Variants in PCDHA9 observed in about 807,000 individuals in gnomAD.
PCDHA9 encodes protocadherin alpha-9.
Under a neutral mutation model 62.0 loss-of-function variants are expected in PCDHA9, and 62 were observed. That is an observed-to-expected ratio of 1.00 (90% CI 0.81 to 1.23). The LOEUF is 1.23. Among genes scored for constraint, PCDHA9 ranks in the 50% most tolerant of loss-of-function variants. The pLI is 0.00. For missense variants in PCDHA9, 1,205 were observed against 1,249.8 expected, an observed-to-expected ratio of 0.96 and a Z score of 0.54; for synonymous variants, 557 against 567.6, an observed-to-expected ratio of 0.98 and a Z score of 0.27.
rs144585858 is a variant in PCDHA9 at position 140,984,129 on chromosome 5, G to A, written c.2542+1566G>A. On this transcript the variant is annotated intron_variant, in intron 3 of 3. Transcript: ENST00000532602. The stretch of plus-strand genomic sequence containing the variant: ...GGTTTTAGACTGCCAAGTGTTGCAG[G>A]ATGTGGAGGCATCTGGGAAGGTGAG... 1.3e-3 allele frequency among the ~76,000 whole-genome samples: 205 copies of A among 152,236 alleles called. 1 individual carries two copies. Among genetic ancestry groups the A allele is most frequent in the Non-Finnish European group, 2.6e-3 (175 of 68,046 alleles).
chr5:140,857,769 G>A, intron 1 of PCDHA9: 1 of 1,597,600 alleles, frequency 6.3e-7, no homozygotes, highest in Non-Finnish European at 8.6e-7. Context: ...AGCGCGGGCG[G>A]TGCAGTCAGT....
intron 3 of PCDHA9, among the ~76,000 whole-genome samples, chr5:141,003,441 AGAT>A (rs2098125025): frequency 6.6e-6 from 1 of 152,122 alleles, no homozygotes; most frequent in Non-Finnish European, 1.5e-5. Context: ...CCTCCCAAGT[AGAT>A]GAAATTACAG....
chr5:140,954,017 T>C (rs2094968085), intron 1 of PCDHA9, among the ~76,000 whole-genome samples: 1 of 152,162 alleles, frequency 6.6e-6, no homozygotes, highest in Admixed American at 6.5e-5. Flanking sequence ...CTCCCACACA[T>C]AGTGGGACGA....
At chr5:140,945,424 A>T (rs1227744054) in intron 1 of PCDHA9, among the ~76,000 whole-genome samples, 1 of 152,116 alleles carries the variant, frequency 6.6e-6, no homozygotes, top group Non-Finnish European at 1.5e-5. Context: ...ATTTCAATGA[A>T]GTTTTTACAG....
At chr5:140,972,612 C>T (rs1554234244) in intron 1 of PCDHA9, among the ~76,000 whole-genome samples, 2 of 151,080 alleles carry the variant, frequency 1.3e-5, no homozygotes, top group African/African-American at 4.9e-5. Context: ...GAACTTGATA[C>T]TGAATGTTGT....
intron 1 of PCDHA9, among the ~76,000 whole-genome samples, chr5:140,880,962 A>G (rs1439455519): frequency 6.6e-6 from 1 of 152,224 alleles, no homozygotes; most frequent in Non-Finnish European, 1.5e-5. Context: ...GATGAGGGTA[A>G]GAGAATACCA....
chr5:141,009,563 C>T (rs1588242901), intron 3 of PCDHA9, 64 bp from the exon 4 acceptor site: 2 of 1,571,920 alleles, frequency 1.3e-6, no homozygotes, highest in Non-Finnish European at 1.7e-6. Flanking sequence ...TGTACTCTAC[C>T]AGCAGTGTGG....
intron 1 of PCDHA9, chr5:140,865,758 G>A (rs2048989245): frequency 6.6e-6 from 1 of 152,150 alleles, no homozygotes; most frequent in African/African-American, 2.4e-5. Flanking sequence ...CCAGTACATG[G>A]TGGAGATATT....
At chr5:140,903,454 A>G (rs1554190971) in intron 1 of PCDHA9, among the ~76,000 whole-genome samples, 1 of 152,208 alleles carries the variant, frequency 6.6e-6, no homozygotes, top group Non-Finnish European at 1.5e-5. Flanking sequence ...ATCTGATCAA[A>G]CTTAAAATAT....
intron 1 of PCDHA9, among the ~76,000 whole-genome samples, chr5:140,901,673 A>G (rs964267221): frequency 6.6e-6 from 1 of 152,056 alleles, no homozygotes; most frequent in Admixed American, 6.6e-5. Context: ...AGATACCTTT[A>G]GGTATTATGG....
At position 140,967,914 on chromosome 5, in the gene PCDHA9, T is replaced by C. The variant is rs1376293284; in HGVS notation, c.2395-11035T>C. On this transcript the variant is annotated intron_variant, in intron 1 of 3. Coordinates refer to ENST00000532602, the MANE Select transcript of PCDHA9 (RefSeq NM_031857.2). ...CCTGAGAATGCTACACCCAACACCA[T>C]TGTGGCCGTTCTCAGTGTCAATGAC... 1.2e-5 allele frequency: 20 copies of C among 1,614,060 alleles called. No individual in the cohort carries two copies. The highest frequency in any genetic ancestry group is 3.3e-5 in the South Asian group (3 of 91,086).
intron 1 of PCDHA9, among the ~76,000 whole-genome samples, chr5:140,954,167 CT>C (rs1366012595): frequency 2.6e-5 from 4 of 152,212 alleles, no homozygotes; most frequent in African/African-American, 9.6e-5. Context: ...ACCACATTTT[CT>C]TTATCCAGTC....
In PCDHA9 at chr5:140,994,514, G is replaced by A. The variant is rs186617066; in HGVS notation, c.2542+11951G>A. On this transcript the variant is annotated intron_variant, in intron 3 of 3. Transcript: ENST00000532602. Reference sequence around the variant, plus strand: ...ACCCAGGAGTTTGAGAACAGCCTGGGCAACATGGCAAAACCCCATCTCTAC... The same window carrying A: ...ACCCAGGAGTTTGAGAACAGCCTGGACAACATGGCAAAACCCCATCTCTAC... Among the ~76,000 whole-genome samples, 76 of 150,406 alleles carry A rather than the reference G, an allele frequency of 5.1e-4. 1 individual carries two copies. The highest frequency in any genetic ancestry group is 8.8e-5 in the Non-Finnish European group (6 of 67,822).
At chr5:140,909,428 G>A (rs2074488610) in intron 1 of PCDHA9, among the ~76,000 whole-genome samples, 1 of 152,150 alleles carries the variant, frequency 6.6e-6, no homozygotes, top group African/African-American at 2.4e-5. Context: ...TTAAACTTAT[G>A]ATAATCCACT....
At chr5:140,949,628 C>G (rs974912926) in intron 1 of PCDHA9, among the ~76,000 whole-genome samples, 18 of 151,706 alleles carry the variant, frequency 1.2e-4, no homozygotes, top group African/African-American at 4.1e-4. Context: ...GTTTTCATGG[C>G]ATATTGCTTT....
rs782676713 is a variant in PCDHA9 at position 140,968,215 on chromosome 5, G to A, written c.2395-10734G>A. 3 of 1,613,862 alleles carry A rather than the reference G, an allele frequency of 1.9e-6. 1 individual carries two copies. The highest frequency in any genetic ancestry group is 2.5e-6 in the Non-Finnish European group (3 of 1,180,046). On this transcript the variant is annotated intron_variant, in intron 1 of 3. Transcript: ENST00000532602. ...CCATCTACATACAGGAGAACAATTT[G>A]CCAGGTGTGTTGCTCTGTACTGTGC... is the stretch of plus-strand genomic sequence containing the variant.
chr5:140,935,952 G>C (rs1554210758), intron 1 of PCDHA9, among the ~76,000 whole-genome samples: 3 of 148,522 alleles, frequency 2.0e-5, no homozygotes, highest in Non-Finnish European at 4.4e-5. Flanking sequence ...GAGTAAAGTG[G>C]TACAATCTTG....
In PCDHA9 at chr5:140,871,387, G is replaced by A. The variant is rs372339362; in HGVS notation, c.2394+20498G>A. Reference sequence around the variant, plus strand: ...GCGGCAGAGGGTGTGCTCTGAGGAGGGCCCACCTAAGACGGACCTCATGGC... The same window carrying A: ...GCGGCAGAGGGTGTGCTCTGAGGAGAGCCCACCTAAGACGGACCTCATGGC... On this transcript the variant is annotated intron_variant, in intron 1 of 3. Coordinates refer to ENST00000532602, the MANE Select transcript of PCDHA9 (RefSeq NM_031857.2). 87 of 1,614,172 alleles carry A rather than the reference G, an allele frequency of 5.4e-5. No homozygotes were observed. The African/African-American group carries it at 1.0e-3, about 19-fold the overall frequency.
At chr5:140,927,848 G>C (rs1295513512) in intron 1 of PCDHA9, 1 of 1,614,180 alleles carries the variant, frequency 6.2e-7, no homozygotes, top group African/African-American at 1.3e-5. Flanking sequence ...GGTGTCTTTG[G>C]TTTAGCTAGC....
Sources: gnomAD v4.1 joint callset for allele counts (sites outside exome capture counted in the v4.1 genomes callset) on GRCh38, gnomAD v4.1.1 for gene constraint, MANE v1.5 for transcripts, NCBI Gene and HGNC (gene_info 2026-07-23, HGNC 2026-07-21) for gene names.